KIAA1217: variants seen among roughly 807,000 people sequenced by gnomAD.
KIAA1217 encodes KIAA1217, also known as sickle tail protein homolog.
A neutral mutation model predicts 163.9 loss-of-function variants in KIAA1217; 88 were observed. That is an observed-to-expected ratio of 0.54 (90% CI 0.45 to 0.64). The LOEUF is 0.64. Ranked by LOEUF, KIAA1217 falls within the 30% of genes least tolerant of loss-of-function variation. The pLI, the probability that KIAA1217 is intolerant of heterozygous loss-of-function variation, is 0.00. For synonymous variants in KIAA1217, 903 were observed against 923.1 expected, an observed-to-expected ratio of 0.98 and a Z score of 0.39; for missense variants, 2,372 against 2,475.0, an observed-to-expected ratio of 0.96 and a Z score of 0.88.
At chr10:24,263,017 C>CA (rs1305909041) in intron 2 of KIAA1217, among the ~76,000 whole-genome samples, 3 of 151,816 alleles carry the variant, frequency 2.0e-5, no homozygotes, top group Admixed American at 6.6e-5. Flanking sequence ...AAAGTCCACT[C>CA]ACGTATAAAA....
intron 5 of KIAA1217, among the ~76,000 whole-genome samples, chr10:24,447,563 C>T (rs7069374): frequency 1.3e-3 from 191 of 152,336 alleles, no homozygotes; most frequent in African/African-American, 4.4e-3. Context: ...TTTCATTCAT[C>T]TTCACGCTCC....
At chr10:23,941,407 A>G (rs1488669822) in intron 1 of KIAA1217, among the ~76,000 whole-genome samples, 1 of 152,200 alleles carries the variant, frequency 6.6e-6, no homozygotes. Context: ...AGAGTGACCA[A>G]AAACACACAG....
At chr10:23,968,509 C>A (rs2131386413) in intron 1 of KIAA1217, among the ~76,000 whole-genome samples, 1 of 152,270 alleles carries the variant, frequency 6.6e-6, no homozygotes, top group South Asian at 2.1e-4. Flanking sequence ...TACTATTCAT[C>A]CATTTGAAGT....
At chr10:23,861,656 G>T (rs1588969607) in intron 1 of KIAA1217, among the ~76,000 whole-genome samples, 1 of 152,280 alleles carries the variant, frequency 6.6e-6, no homozygotes, top group East Asian at 1.9e-4. Context: ...AATGTTTCTG[G>T]CTCCATGATG....
chr10:24,414,225 A>C (rs766708674), intron 3 of KIAA1217, among the ~76,000 whole-genome samples: 19 of 152,296 alleles, frequency 1.2e-4, no homozygotes, highest in Non-Finnish European at 2.2e-4. Context: ...ACATAGGTTG[A>C]ATTATCTTGT....
At chr10:24,089,910 A>C (rs1418528916) in intron 2 of KIAA1217, among the ~76,000 whole-genome samples, 1 of 151,824 alleles carries the variant, frequency 6.6e-6, no homozygotes, top group Non-Finnish European at 1.5e-5. Context: ...TCAAGCTACC[A>C]ATGACTTTCT....
intron 9 of KIAA1217, among the ~76,000 whole-genome samples, chr10:24,512,498 G>A (rs1426221568): frequency 6.6e-6 from 1 of 152,118 alleles, no homozygotes; most frequent in Non-Finnish European, 1.5e-5. Flanking sequence ...TATTCTCTGG[G>A]ATGAGAAACA....
intron 2 of KIAA1217, among the ~76,000 whole-genome samples, chr10:24,085,451 C>G (rs1247449919): frequency 2.6e-5 from 4 of 152,100 alleles, no homozygotes; most frequent in Non-Finnish European, 5.9e-5. Flanking sequence ...ATTTGTCTTG[C>G]CTTCTGGTCT....
chr10:23,774,516 C>T (rs1834928860), intron 1 of KIAA1217, among the ~76,000 whole-genome samples: 1 of 152,188 alleles, frequency 6.6e-6, no homozygotes, highest in Non-Finnish European at 1.5e-5. Flanking sequence ...ACCTGGGGCC[C>T]ACTGCCTAGG....
intron 3 of KIAA1217, among the ~76,000 whole-genome samples, chr10:24,393,632 G>A (rs959499963): frequency 1.7e-4 from 26 of 152,188 alleles, no homozygotes; most frequent in Non-Finnish European, 2.1e-4. Flanking sequence ...TAGGAACTTC[G>A]GAGAGGTGAT....
intron 2 of KIAA1217, among the ~76,000 whole-genome samples, chr10:24,041,591 T>C (rs1848635918): frequency 6.6e-6 from 1 of 152,104 alleles, no homozygotes; most frequent in Admixed American, 6.5e-5. Context: ...GCCCATTTTA[T>C]CAGTTAGTCG....
In KIAA1217 at chr10:23,772,896, A is replaced by C. The variant is rs369883038; in HGVS notation, c.-321+77662A>C. Among the ~76,000 whole-genome samples the C allele has an allele frequency of 8.5e-4, 129 of 152,336 alleles. 1 individual carries two copies. The South Asian group carries it at 0.024, about 28-fold the overall frequency. On this transcript the variant is annotated intron_variant, in intron 1 of 18. Transcript: ENST00000376462. ...TTGGCTGAGATCAAGTGTAGTACAC[A>C]CAAACAGGGAGACACACCCTTGTCA... is the stretch of plus-strand genomic sequence containing the variant.
intron 1 of KIAA1217, among the ~76,000 whole-genome samples, chr10:23,775,208 G>A (rs1365534931): frequency 1.3e-5 from 2 of 152,192 alleles, no homozygotes; most frequent in Non-Finnish European, 2.9e-5. Flanking sequence ...GAGTGGAAGG[G>A]AGATGAGGAG....
intron 2 of KIAA1217, among the ~76,000 whole-genome samples, chr10:24,264,032 AT>A (rs1290170909): frequency 3.3e-5 from 5 of 151,638 alleles, no homozygotes; most frequent in Admixed American, 1.3e-4. Context: ...TATTTTTTGT[AT>A]TTTTTAGTAG....
chr10:23,938,022 A>G (rs576822577), intron 1 of KIAA1217, among the ~76,000 whole-genome samples: 1 of 152,326 alleles, frequency 6.6e-6, no homozygotes, highest in South Asian at 2.1e-4. Context: ...GCATGGTATT[A>G]GTAAAGAAAG....
chr10:24,116,975 C>A (rs2063077763), intron 2 of KIAA1217, among the ~76,000 whole-genome samples: 1 of 151,818 alleles, frequency 6.6e-6, no homozygotes, highest in South Asian at 2.1e-4. Context: ...ATTAATAGGG[C>A]TCTGATGGGC....
At chr10:24,079,882 AGTT>A (rs1040752624) in intron 2 of KIAA1217, among the ~76,000 whole-genome samples, 2 of 152,230 alleles carry the variant, frequency 1.3e-5, no homozygotes, top group Non-Finnish European at 2.9e-5. Context: ...AGGCACTGGG[AGTT>A]GTTGTTGGTC....
At position 24,141,222 on chromosome 10, in the gene KIAA1217, T is replaced by A. The variant is rs866201788; in HGVS notation, c.-170-78404T>A. On this transcript the variant is annotated intron_variant, in intron 2 of 18. Transcript: ENST00000376462. ...AGTCTCTTAATGCTCAGAGAAAGAA[T>A]AAACCCCCCCCCCCCATTTCTCTCT... Among the ~76,000 whole-genome samples the A allele has an allele frequency of 5.9e-3, 557 of 94,188 alleles. 6 individuals carry two copies. Among genetic ancestry groups the A allele is most frequent in the Non-Finnish European group, 9.1e-3 (409 of 44,806 alleles). 61.8% of individuals were successfully genotyped at this position (94,188 alleles called of 152,430 possible). A position where few individuals can be genotyped will look rare whatever the true frequency, so the allele number is the denominator to read the frequency against.
rs955992083 is a variant in KIAA1217, at chr10:23,876,586, C to G, written c.-320-130639C>G. Reference sequence around the variant, plus strand: ...ATGATTTATGATTATGCTTCAGGGTCAATTTTACTGGGATGGCACTCTTCC... The same window carrying G: ...ATGATTTATGATTATGCTTCAGGGTGAATTTTACTGGGATGGCACTCTTCC... On this transcript the variant is annotated intron_variant, in intron 1 of 18. Transcript: ENST00000376462. 7.9e-5 allele frequency among the ~76,000 whole-genome samples: 12 copies of G among 152,012 alleles called. 1 individual carries two copies. Among genetic ancestry groups the G allele is most frequent in the Admixed American group, 7.2e-4 (11 of 15,252 alleles).
Sources: gnomAD v4.1 joint callset for allele counts (sites outside exome capture counted in the v4.1 genomes callset) on GRCh38, gnomAD v4.1.1 for gene constraint, MANE v1.5 for transcripts, NCBI Gene and HGNC (gene_info 2026-07-23, HGNC 2026-07-21) for gene names.